The following RHBDF1 variants were observed in gnomAD, a reference collection of about 807,000 sequenced individuals.
RHBDF1 encodes inactive rhomboid protein 1.
RHBDF1 carries 80 observed loss-of-function variants against 98.6 expected under a neutral mutation model. The observed-to-expected ratio is 0.81, with a 90% CI of 0.68 to 0.98. RHBDF1 has a LOEUF of 0.98. RHBDF1 is among the 50% of genes least tolerant of loss of function. The pLI, the probability that RHBDF1 is intolerant of heterozygous loss-of-function variation, is 0.00. For missense variants in RHBDF1, 1,116 were observed against 1,198.3 expected (o/e 0.93, Z 1.01); for synonymous variants, 512 against 486.8 (o/e 1.05, Z -0.68).
chr16:60,198 C>G lies in RHBDF1; in HGVS notation c.1722+18G>C, dbSNP rs1221315544. Reference sequence around the variant, plus strand: ...ATGACACGGAGGGCTCCCTAACAACCCCCCCACTGCAGCTCACCGGCCACT... The same window carrying G: ...ATGACACGGAGGGCTCCCTAACAACGCCCCCACTGCAGCTCACCGGCCACT... On this transcript the variant is annotated intron_variant, in intron 13 of 17. Coordinates refer to ENST00000262316, the MANE Select transcript of RHBDF1 (RefSeq NM_022450.5). 3 of 1,613,700 alleles carry G rather than the reference C, an allele frequency of 1.9e-6. No homozygotes were observed. The highest frequency in any genetic ancestry group is 3.3e-5 in the Admixed American group (2 of 59,978).
upstream of RHBDF1, among the ~76,000 whole-genome samples, chr16:73,096 T>C (rs1898020138): frequency 6.6e-6 from 1 of 152,176 alleles, no homozygotes; most frequent in Admixed American, 6.5e-5. Context: ...CACATTCATG[T>C]GCACCGATCA....
In RHBDF1 at chr16:72,370, CG is replaced by C. The variant is rs1384576857; in HGVS notation, c.-25+142del. 18 of 267,186 alleles carry C rather than the reference CG, an allele frequency of 6.7e-5. No homozygotes were observed. The South Asian group carries it at 2.1e-3, about 32-fold the overall frequency. 16.6% of individuals were successfully genotyped at this position (267,186 alleles called of 1,614,324 possible). On this transcript the variant is annotated intron_variant, in intron 1 of 17. Transcript: ENST00000262316. ...GGGGGGCCTCGCCGCGACCCCTCCC[CG>C]GCCCCGGCCCCGGCCCCGACACGGC...
intron 1 of RHBDF1, among the ~76,000 whole-genome samples, chr16:65,434 C>T (rs561299006): frequency 2.0e-4 from 30 of 152,236 alleles, no homozygotes; most frequent in African/African-American, 6.0e-4. Flanking sequence ...ATGATGGGAG[C>T]GGGGGAAGCA....
upstream of RHBDF1, among the ~76,000 whole-genome samples, chr16:75,765 A>G (rs950954429): frequency 6.6e-6 from 1 of 152,176 alleles, no homozygotes; most frequent in African/African-American, 2.4e-5. Context: ...AGATGGCCGC[A>G]GAGACCAGTC....
chr16:73,778 A>G (rs143347954), upstream of RHBDF1: 965 of 178,428 alleles, frequency 5.4e-3, 15 homozygotes, highest in African/African-American at 0.022. Context: ...CTGCTGCTTC[A>G]GTGCCATCCT....
At position 61,578 on chromosome 16, in the gene RHBDF1, G is replaced by T; in HGVS notation, c.1320+7C>A. ...CGTCTGGGCCCAGGGAAGGCACAGG[G>T]GCTCACCGAGTCCACCGTCTCATGC... is the stretch of plus-strand genomic sequence containing the variant. On this transcript the variant is annotated splice_region_variant and intron_variant, in intron 9 of 17. Transcript: ENST00000262316. 6.2e-7 allele frequency: 1 copy of T among 1,612,966 alleles called. No individual in the cohort carries two copies. The highest frequency in any genetic ancestry group is 8.5e-7 in the Non-Finnish European group (1 of 1,179,686).
chr16:61,930 G>A lies in RHBDF1; in HGVS notation c.1076C>T (p.Pro359Leu), dbSNP rs1437972831. The change falls in exon 8 of 18, where the codon CCG becomes CTG. Residue 359 changes from proline (P) to leucine (L), a missense_variant. Physicochemically the swap from Pro to Leu is moderately conservative, Grantham distance 98. Transcript: ENST00000262316. ...GPRRGQRIAV[P>L]VRKLFAREKR... ...CTCCCGGGCGAAGAGCTTGCGCACC[G>A]GCACCGCGATACGCTGGCCCCGTCG... is the stretch of plus-strand genomic sequence containing the variant. 1.9e-6 allele frequency: 3 copies of A among 1,600,398 alleles called. No individual in the cohort carries two copies. The highest frequency in any genetic ancestry group is 2.5e-6 in the Non-Finnish European group (3 of 1,179,432).
rs1047474800 is a variant in RHBDF1 at position 65,824 on chromosome 16, G to A, written c.-24-785C>T. ...ACAAATGACTTTCCAGAAACCACCCGGGCGCAGACACCGTAGTGACCACCA... is the reference window on the plus strand; with the variant it reads ...ACAAATGACTTTCCAGAAACCACCCAGGCGCAGACACCGTAGTGACCACCA... On this transcript the variant is annotated intron_variant, in intron 1 of 17. Coordinates refer to ENST00000262316, the MANE Select transcript of RHBDF1 (RefSeq NM_022450.5). Among the ~76,000 whole-genome samples the A allele has an allele frequency of 7.9e-5, 12 of 152,330 alleles. 1 individual carries two copies. The highest frequency in any genetic ancestry group is 5.8e-4 in the East Asian group (3 of 5,186).
rs569885746 is a variant in RHBDF1, at chr16:65,037, G to A, written c.-22C>T. ...TCATGGTTCCTGGCAGAGCAAGGCA[G>A]GCCTGCGGGGCATGGTGTGTTATTC... On this transcript the variant is annotated splice_region_variant and 5_prime_UTR_variant, in exon 2 of 18. Transcript: ENST00000262316. The A allele has an allele frequency of 4.5e-5, 68 of 1,502,766 alleles. No homozygotes were observed. Among genetic ancestry groups the A allele is most frequent in the Non-Finnish European group, 5.8e-5 (66 of 1,128,256 alleles). 93.1% of individuals were successfully genotyped at this position (1,502,766 alleles called of 1,614,324 possible). A position where few individuals can be genotyped will look rare whatever the true frequency, so the allele number is the denominator to read the frequency against.
At chr16:61,754 C>G (rs1382714629) in intron 8 of RHBDF1, 44 bp downstream of exon 8, 1 of 1,612,098 alleles carries the variant, frequency 6.2e-7, no homozygotes, top group Non-Finnish European at 8.5e-7. Context: ...CCACCCTCCC[C>G]CGGGAGCCTC....
At chr16:59,941 C>T in intron 13 of RHBDF1, 115 bp from the exon 14 acceptor site, 1 of 1,531,612 alleles carries the variant, frequency 6.5e-7, no homozygotes, top group Non-Finnish European at 8.8e-7. Flanking sequence ...AACGGTGTGG[C>T]TTCCTTGACT....
rs1177898893 is a variant in RHBDF1 at position 62,797 on chromosome 16, A to C, written c.773T>G (p.Leu258Arg). 4 of 1,613,982 alleles carry C rather than the reference A, an allele frequency of 2.5e-6. No individual in the cohort carries two copies. The South Asian group carries it at 3.3e-5, about 13-fold the overall frequency. ...EEDTTDFPDELDTSFFAREGI... is the reference protein window; with the variant it reads ...EEDTTDFPDERDTSFFAREGI... Reference sequence around the variant, plus strand: ...TACCCGGGCAAAGAAGGATGTGTCCAGCTCATCGGGGAAATCAGTTGTGTC... The same window carrying C: ...TACCCGGGCAAAGAAGGATGTGTCCCGCTCATCGGGGAAATCAGTTGTGTC... Residue 258 changes from leucine to arginine, a missense_variant, in exon 6 of 18, where the codon CTG (leucine) becomes CGG (arginine). Physicochemically the swap from Leu to Arg is moderately radical, Grantham distance 102. Transcript: ENST00000262316.
chr16:63,108 G>T lies in RHBDF1; in HGVS notation c.537C>A (p.His179Gln), dbSNP rs912819206. Reference sequence around the variant, plus strand: ...AGGCAGCACCCGGCGTGACGGGAGTGTGTGGGGCACTCAGGCCTTCCGCAG... The same window carrying T: ...AGGCAGCACCCGGCGTGACGGGAGTTTGTGGGGCACTCAGGCCTTCCGCAG... ...DDTAEGLSAP[H>Q]TPVTPGAASL... The change falls in exon 5 of 18, where the codon CAC becomes CAA. Residue 179 changes from histidine (H) to glutamine (Q), a missense_variant. Transcript: ENST00000262316. 4 of 1,607,228 alleles carry T rather than the reference G, an allele frequency of 2.5e-6. No homozygotes were observed. The highest frequency in any genetic ancestry group is 3.4e-6 in the Non-Finnish European group (4 of 1,177,542).
Position 60,478 on chromosome 16 carries a change from T to A in RHBDF1, c.1619A>T (p.His540Leu), listed in dbSNP as rs568359532. 31 of 1,612,132 alleles carry A rather than the reference T, an allele frequency of 1.9e-5. 1 individual carries two copies. The East Asian group carries it at 6.5e-4, about 34-fold the overall frequency. The change falls in exon 12 of 18, where the codon CAC becomes CTC. Residue 540 changes from histidine to leucine, a missense_variant. His to Leu is a moderately conservative substitution (Grantham distance 99). Coordinates refer to ENST00000262316, the MANE Select transcript of RHBDF1 (RefSeq NM_022450.5). Reference sequence around the variant, plus strand: ...GCAGACAGAGCCAAACTGTCTCTTGTGGCCCGCAAGCTCTGGGGCGCTGGG... The same window carrying A: ...GCAGACAGAGCCAAACTGTCTCTTGAGGCCCGCAAGCTCTGGGGCGCTGGG... ...IHPSAPELAGHKRQFGSVCHQ... is the reference protein window; with the variant it reads ...IHPSAPELAGLKRQFGSVCHQ...
Position 61,250 on chromosome 16 carries a change from G to GA in RHBDF1, c.1426dup (p.Ser476PhefsTer81), listed in dbSNP as rs1486491512. Reference sequence around the variant, plus strand: ...CTGCGGGTCCTGGCGCATGCAGGGCGAAAACTTGGCGCCCAGGTGGATGAG... The same window carrying GA: ...CTGCGGGTCCTGGCGCATGCAGGGCGAAAAACTTGGCGCCCAGGTGGATGAG... On this transcript the variant is annotated frameshift_variant, in exon 11 of 18. Coordinates refer to ENST00000262316, the MANE Select transcript of RHBDF1 (RefSeq NM_022450.5). LOFTEE classifies it high-confidence loss of function. 6 of 1,545,146 alleles carry GA rather than the reference G, an allele frequency of 3.9e-6. No homozygotes were observed. Among genetic ancestry groups the GA allele is most frequent in the Non-Finnish European group, 5.2e-6 (6 of 1,144,266 alleles).
chr16:60,082 G>T, intron 13 of RHBDF1, 134 bp downstream of exon 13: 1 of 1,531,546 alleles, frequency 6.5e-7, no homozygotes, highest in South Asian at 1.3e-5. Flanking sequence ...GCTGTACAAA[G>T]GGCAGGTGCA....
In RHBDF1 at chr16:63,021, T is replaced by A; in HGVS notation, c.624A>T (p.Arg208=). ...GFHRLPRRRK[R]ESVAKMSFRA... Reference sequence around the variant, plus strand: ...GGAAGCTCATCTTGGCCACCGACTCTCGCTTGCGCCGCCGCGGGAGCCGGT... The same window carrying A: ...GGAAGCTCATCTTGGCCACCGACTCACGCTTGCGCCGCCGCGGGAGCCGGT... Residue 208 remains arginine (R), a synonymous_variant, in exon 5 of 18, where the codon CGA becomes CGT. Transcript: ENST00000262316. 2 of 1,612,244 alleles carry A rather than the reference T, an allele frequency of 1.2e-6. No individual in the cohort carries two copies. The highest frequency in any genetic ancestry group is 1.7e-6 in the Non-Finnish European group (2 of 1,179,594).
intron 7 of RHBDF1, 61 bp from the exon 8 acceptor site, chr16:62,113 G>A: frequency 8.4e-6 from 12 of 1,430,974 alleles, no homozygotes; most frequent in South Asian, 3.0e-5. Context: ...GTCCCTCCCC[G>A]GGGGGCACCA....
At chr16:61,344 G>A (rs557955543) in intron 10 of RHBDF1, 41 bp downstream of exon 10, 1 of 1,545,600 alleles carries the variant, frequency 6.5e-7, no homozygotes, top group South Asian at 1.2e-5. Context: ...GGCACCTCCA[G>A]GTCCCGCCCC....
Sources: allele counts gnomAD v4.1 joint callset (sites outside exome capture counted in the v4.1 genomes callset), GRCh38; gene constraint gnomAD v4.1.1; transcripts MANE v1.5; gene names NCBI Gene and HGNC (gene_info 2026-07-23, HGNC 2026-07-21).